Variants in CRISP2 observed in about 807,000 individuals in gnomAD.
CRISP2 encodes the protein cysteine rich secretory protein 2, also known as cysteine-rich secretory protein 2.
Under a neutral mutation model 31.7 loss-of-function variants are expected in CRISP2, and 29 were observed. The ratio of observed to expected loss-of-function variants is 0.92; its 90% CI spans 0.68 to 1.25. The LOEUF (loss-of-function observed/expected upper bound fraction) is 1.25, where lower values mean the gene tolerates loss of function less well. CRISP2 is among the 50% of genes most tolerant of loss of function. The pLI, the probability that CRISP2 is intolerant of heterozygous loss-of-function variation, is 0.00. For synonymous variants in CRISP2, 111 were observed against 101.4 expected (o/e 1.09, Z -0.57); for missense variants, 318 against 286.5 (o/e 1.11, Z -0.79).
chr6:49,681,703 G>T, the CRISP2 span, among the ~76,000 whole-genome samples: 1 of 152,042 alleles, frequency 6.6e-6, no homozygotes, highest in African/African-American at 2.4e-5. Flanking sequence ...ATTTCTCATA[G>T]ATTAATGCCA....
downstream of CRISP2, among the ~76,000 whole-genome samples, chr6:49,689,387 G>A (rs919762524): frequency 6.6e-6 from 1 of 151,940 alleles, no homozygotes; most frequent in African/African-American, 2.4e-5. Flanking sequence ...TTGCTTATAT[G>A]TATTTTAATG....
In CRISP2 at chr6:49,692,547, G is replaced by A. The variant is rs569440907; in HGVS notation, c.*226C>T. ...CAAAATCCTCAACCTGATTCAGTTC[G>A]TTATAAAGCACTAAATTTATGTCAG... On this transcript the variant is annotated 3_prime_UTR_variant, in exon 10 of 10. Transcript: ENST00000339139. The A allele has an allele frequency of 9.2e-5, 37 of 400,594 alleles. No individual in the cohort carries two copies. Among genetic ancestry groups the A allele is most frequent in the African/African-American group, 4.0e-4 (20 of 49,394 alleles). 24.8% of individuals were successfully genotyped at this position (400,594 alleles called of 1,614,324 possible). A position where few individuals can be genotyped will look rare whatever the true frequency, so the allele number is the denominator to read the frequency against.
rs749965606 is a variant in CRISP2 at position 49,698,485 on chromosome 6, G to C, written c.294C>G (p.Leu98=). Residue 98 remains leucine, a synonymous_variant, in exon 7 of 10, where the codon CTC becomes CTG. Coordinates refer to ENST00000339139, the MANE Select transcript of CRISP2 (RefSeq NM_003296.4). The part of the protein sequence containing the change: ...RKTSTRCGEN[L]YMSSDPTSWS... Reference sequence around the variant, plus strand: ...AGGAAGTAGGGTCACTTGACATATAGAGATTCTCACCACATCTTGTACCTA... The same window carrying C: ...AGGAAGTAGGGTCACTTGACATATACAGATTCTCACCACATCTTGTACCTA... 1.4e-5 allele frequency: 23 copies of C among 1,611,314 alleles called. No individual in the cohort carries two copies. The highest frequency in any genetic ancestry group is 2.0e-5 in the Non-Finnish European group (23 of 1,179,028).
At chr6:49,682,670 C>CT in the CRISP2 span, among the ~76,000 whole-genome samples, 7 of 102,540 alleles carry the variant, frequency 6.8e-5, no homozygotes, top group Admixed American at 2.3e-4. Flanking sequence ...TTTCTTTCTT[C>CT]TCTCTCTTTC....
chr6:49,712,787 T>C (rs1258536857), intron 1 of CRISP2, among the ~76,000 whole-genome samples, 183 bp from the exon 2 acceptor site: 1 of 152,212 alleles, frequency 6.6e-6, no homozygotes, highest in Non-Finnish European at 1.5e-5. Flanking sequence ...CAGATTGTAT[T>C]TCAACGCCCT....
At chr6:49,687,117 G>A in the CRISP2 span, among the ~76,000 whole-genome samples, 5 of 152,068 alleles carry the variant, frequency 3.3e-5, no homozygotes, top group African/African-American at 1.2e-4. Context: ...ATGAGGTAAT[G>A]GGTGCAGCAC....
the CRISP2 span, among the ~76,000 whole-genome samples, chr6:49,685,386 G>C: frequency 1.9e-4 from 29 of 152,274 alleles, no homozygotes; most frequent in Middle Eastern, 6.8e-3. Flanking sequence ...ATCAACTGAT[G>C]AAGGCAGGGA....
At chr6:49,713,296 G>A (rs1321171845) in intron 1 of CRISP2, among the ~76,000 whole-genome samples, 179 bp downstream of exon 1, 1 of 152,088 alleles carries the variant, frequency 6.6e-6, no homozygotes, top group East Asian at 1.9e-4. Flanking sequence ...ATGGTAGGTC[G>A]GCGCTAAGCA....
intron 8 of CRISP2, among the ~76,000 whole-genome samples, chr6:49,697,449 A>G (rs1764962744): frequency 6.6e-6 from 1 of 151,428 alleles, no homozygotes; most frequent in Non-Finnish European, 1.5e-5. Flanking sequence ...AAGTAGGAAT[A>G]TTTGAGCAGA....
At chr6:49,685,554 G>A in the CRISP2 span, among the ~76,000 whole-genome samples, 132 of 152,250 alleles carry the variant, frequency 8.7e-4, no homozygotes, top group African/African-American at 3.1e-3. Flanking sequence ...CTAATAGTGA[G>A]AAACCTGGTT....
chr6:49,701,379 G>T (rs1468909849), intron 4 of CRISP2, among the ~76,000 whole-genome samples: 2 of 150,936 alleles, frequency 1.3e-5, no homozygotes, highest in African/African-American at 2.4e-5. Context: ...TATGATGTTT[G>T]GTTTTTCCAT....
Position 49,700,737 on chromosome 6 carries a change from C to A in CRISP2, c.114G>T (p.Arg38Ser), listed in dbSNP as rs887933992. Reference protein sequence around the residue: ...ALLTTQLQVQREIVNKHNELR... With the variant: ...ALLTTQLQVQSEIVNKHNELR... ...GTTCATTGTGTTTATTTACAATCTC[C>A]CTTTGCACTTGCAACTGGGTGGTTA... Residue 38 changes from arginine to serine, a missense_variant, in exon 5 of 10, where the codon AGG becomes AGT. By Grantham distance (110) the Arg-to-Ser change is moderately radical. Coordinates refer to ENST00000339139, the MANE Select transcript of CRISP2 (RefSeq NM_003296.4). 6.2e-7 allele frequency: 1 copy of A among 1,612,548 alleles called. No individual in the cohort carries two copies. The highest frequency in any genetic ancestry group is 8.5e-7 in the Non-Finnish European group (1 of 1,179,124).
the CRISP2 span, among the ~76,000 whole-genome samples, chr6:49,683,903 CCAGTTTGAATATATTTTT>C: frequency 6.6e-6 from 1 of 150,946 alleles, no homozygotes; most frequent in Non-Finnish European, 1.5e-5. Context: ...AATTAAATGT[CCAGTTTGAATATATTTTT>C]CATTCAAGCT....
the CRISP2 span, among the ~76,000 whole-genome samples, chr6:49,680,126 A>G: frequency 6.6e-6 from 1 of 152,038 alleles, no homozygotes; most frequent in East Asian, 1.9e-4. Context: ...TCCATCAGTT[A>G]TTTTTCCTGA....
At chr6:49,683,265 AC>A in the CRISP2 span, among the ~76,000 whole-genome samples, 1 of 152,220 alleles carries the variant, frequency 6.6e-6, no homozygotes, top group East Asian at 1.9e-4. Flanking sequence ...TAATTTCTAA[AC>A]ATGTGTATAC....
At chr6:49,710,328 G>C (rs1767798053) in intron 3 of CRISP2, among the ~76,000 whole-genome samples, 1 of 152,162 alleles carries the variant, frequency 6.6e-6, no homozygotes, top group Non-Finnish European at 1.5e-5. Context: ...TATGGATGAT[G>C]TAATTGAGGC....
At chr6:49,710,898 G>A (rs1767896623) in intron 3 of CRISP2, among the ~76,000 whole-genome samples, 1 of 152,178 alleles carries the variant, frequency 6.6e-6, no homozygotes, top group Admixed American at 6.5e-5. Context: ...AGACTGAGGT[G>A]AGAGCACATA....
rs1205535371 is a variant in CRISP2 at position 49,701,921 on chromosome 6, TTA to T, written c.67-1139_67-1138del. Among the ~76,000 whole-genome samples the T allele has an allele frequency of 2.0e-3, 21 of 10,640 alleles. 1 individual carries two copies. The highest frequency in any genetic ancestry group is 0.012 in the African/African-American group (17 of 1,448). 7.0% of individuals were successfully genotyped at this position (10,640 alleles called of 152,430 possible). On this transcript the variant is annotated intron_variant, in intron 4 of 9. Coordinates refer to ENST00000339139, the MANE Select transcript of CRISP2 (RefSeq NM_003296.4). The stretch of plus-strand genomic sequence containing the variant: ...TATATATTATGTATTATATATTATA[TTA>T]TATATAATATATAATATATGTAATA...
At chr6:49,711,561 T>C (rs1357438834) in intron 2 of CRISP2, among the ~76,000 whole-genome samples, 1 of 152,210 alleles carries the variant, frequency 6.6e-6, no homozygotes, top group Non-Finnish European at 1.5e-5. Context: ...TAATCAGTTC[T>C]CCCTTCTCCT....
Sources: gnomAD v4.1 joint callset for allele counts (sites outside exome capture counted in the v4.1 genomes callset) on GRCh38, gnomAD v4.1.1 for gene constraint, MANE v1.5 for transcripts, NCBI Gene and HGNC (gene_info 2026-07-23, HGNC 2026-07-21) for gene names.